Variants in ZBTB7C observed in about 807,000 individuals in gnomAD.
ZBTB7C encodes zinc finger and BTB domain-containing protein 7C.
A neutral mutation model predicts 25.7 loss-of-function variants in ZBTB7C; 8 were observed. The observed-to-expected ratio is 0.31, with a 90% CI of 0.18 to 0.56. ZBTB7C has a LOEUF of 0.56. Ranked by LOEUF, ZBTB7C falls within the 20% of genes least tolerant of loss-of-function variation. The pLI, the probability that ZBTB7C is intolerant of heterozygous loss-of-function variation, is 0.91. For missense variants in ZBTB7C, 824 were observed against 855.2 expected, an observed-to-expected ratio of 0.96 and a Z score of 0.46; for synonymous variants, 394 against 369.0, an observed-to-expected ratio of 1.07 and a Z score of -0.78.
chr18:48,245,118 A>T (rs2043646257), intron 2 of ZBTB7C, among the ~76,000 whole-genome samples: 1 of 149,374 alleles, frequency 6.7e-6, no homozygotes, highest in African/African-American at 2.5e-5. Flanking sequence ...ACACACACAC[A>T]CACACCATGG....
chr18:48,291,523 C>T (rs1007727970), intron 2 of ZBTB7C, among the ~76,000 whole-genome samples: 1 of 152,158 alleles, frequency 6.6e-6, no homozygotes, highest in African/African-American at 2.4e-5. Flanking sequence ...TCTTGAAACC[C>T]ACAGGGAGCC....
intron 2 of ZBTB7C, among the ~76,000 whole-genome samples, chr18:48,284,595 A>C (rs1367636769): frequency 1.3e-5 from 2 of 152,082 alleles, no homozygotes; most frequent in African/African-American, 2.4e-5. Flanking sequence ...GGTGCTTGAG[A>C]CCAAGCTGGC....
intron 2 of ZBTB7C, among the ~76,000 whole-genome samples, chr18:48,228,741 T>TCACACACACACACA (rs1223661928): frequency 1.5e-5 from 1 of 66,232 alleles, no homozygotes; most frequent in African/African-American, 4.4e-5. Flanking sequence ...TGTCTCTCTC[T>TCACACACACACACA]CTCTCTCACA....
chr18:48,252,638 T>C (rs6507833), intron 2 of ZBTB7C: 12,127 of 152,530 alleles, frequency 0.08, 1,242 homozygotes, highest in East Asian at 0.46. Flanking sequence ...CTAAGTGACA[T>C]GGGTCTCCCT....
In ZBTB7C at chr18:48,391,283, C is replaced by T. The variant is rs1330538442; in HGVS notation, c.-304+17943G>A. Among the ~76,000 whole-genome samples the T allele has an allele frequency of 4.6e-5, 7 of 152,314 alleles. No homozygotes were observed. The East Asian group carries it at 1.4e-3, about 29-fold the overall frequency. On this transcript the variant is annotated intron_variant, in intron 1 of 4. Coordinates refer to ENST00000590800, the MANE Select transcript of ZBTB7C (RefSeq NM_001318841.2). ...TTGGCTCTACCTAGAAGATGTCTCT[C>T]AGTCTTCTTTATTGTCCAGAACTCC...
chr18:48,220,841 C>T (rs1568311305), intron 2 of ZBTB7C, among the ~76,000 whole-genome samples: 1 of 152,120 alleles, frequency 6.6e-6, no homozygotes, highest in Non-Finnish European at 1.5e-5. Flanking sequence ...AGTCACTCTC[C>T]CTTGCACACT....
intron 3 of ZBTB7C, chr18:48,083,726 T>TAAA: frequency 1.5e-6 from 1 of 679,490 alleles, no homozygotes. Flanking sequence ...TCAGTGCCCT[T>TAAA]AAAAAAATGA....
At chr18:48,173,885 A>G (rs564174108) in intron 3 of ZBTB7C, among the ~76,000 whole-genome samples, 31 of 152,296 alleles carry the variant, frequency 2.0e-4, no homozygotes, top group African/African-American at 7.0e-4. Context: ...CAGGGCAGAC[A>G]CCACTTGTCC....
intron 2 of ZBTB7C, among the ~76,000 whole-genome samples, chr18:48,324,093 G>A (rs917699441): frequency 1.5e-4 from 23 of 152,188 alleles, no homozygotes; most frequent in African/African-American, 5.5e-4. Flanking sequence ...AAATCTGCTG[G>A]CACCTTGATC....
At chr18:48,178,214 C>A (rs1420227234) in intron 3 of ZBTB7C, among the ~76,000 whole-genome samples, 1 of 152,202 alleles carries the variant, frequency 6.6e-6, no homozygotes, top group African/African-American at 2.4e-5. Context: ...CTGACTCATG[C>A]GGACCCCTGT....
intron 2 of ZBTB7C, among the ~76,000 whole-genome samples, chr18:48,258,777 G>A (rs1365387160): frequency 6.6e-6 from 1 of 151,538 alleles, no homozygotes; most frequent in African/African-American, 2.4e-5. Flanking sequence ...CCCTGCCTCA[G>A]CCTCCTGAGT....
intron 4 of ZBTB7C, among the ~76,000 whole-genome samples, chr18:48,030,646 A>G (rs72918138): frequency 0.16 from 23,744 of 152,102 alleles, 2,115 homozygotes; most frequent in Admixed American, 0.22. Context: ...GGGCGCCTGC[A>G]CCTATTGGGG....
chr18:48,296,914 G>A (rs2045410716), intron 2 of ZBTB7C, among the ~76,000 whole-genome samples: 1 of 152,208 alleles, frequency 6.6e-6, no homozygotes, highest in East Asian at 1.9e-4. Context: ...ACCAGCGTGG[G>A]CAACATGGCC....
intron 3 of ZBTB7C, among the ~76,000 whole-genome samples, chr18:48,144,883 T>G (rs1165631335): frequency 6.6e-6 from 1 of 152,206 alleles, no homozygotes; most frequent in Non-Finnish European, 1.5e-5. Flanking sequence ...TCTCTGAGGC[T>G]GGGTTACAGT....
At chr18:48,218,174 C>CT (rs2042869974) in intron 2 of ZBTB7C, among the ~76,000 whole-genome samples, 1 of 152,176 alleles carries the variant, frequency 6.6e-6, no homozygotes, top group Middle Eastern at 3.2e-3. Flanking sequence ...CCCTTGTGGC[C>CT]TTGGGTACAT....
intron 2 of ZBTB7C, among the ~76,000 whole-genome samples, chr18:48,233,310 G>GC (rs2043301053): frequency 6.6e-6 from 1 of 152,164 alleles, no homozygotes; most frequent in African/African-American, 2.4e-5. Context: ...CCAGCACCTT[G>GC]ATATTGGACT....
chr18:48,142,424 T>C (rs1220343220), intron 3 of ZBTB7C, among the ~76,000 whole-genome samples: 1 of 152,170 alleles, frequency 6.6e-6, no homozygotes, highest in Non-Finnish European at 1.5e-5. Flanking sequence ...TGCTGGGTTG[T>C]TCTCTCTGTG....
chr18:48,185,022 A>G (rs1338563398), intron 3 of ZBTB7C, among the ~76,000 whole-genome samples: 9 of 152,188 alleles, frequency 5.9e-5, no homozygotes, highest in Non-Finnish European at 5.9e-5. Flanking sequence ...TTTTATTTAC[A>G]TAGGTGAAGA....
At chr18:48,096,248 GA>G (rs2038628392) in intron 3 of ZBTB7C, among the ~76,000 whole-genome samples, 1 of 152,208 alleles carries the variant, frequency 6.6e-6, no homozygotes, top group Non-Finnish European at 1.5e-5. Context: ...AAGAGAGTGT[GA>G]ATGCAAGCAA....
Sources: gnomAD v4.1 joint callset for allele counts (sites outside exome capture counted in the v4.1 genomes callset) on GRCh38, gnomAD v4.1.1 for gene constraint, MANE v1.5 for transcripts, NCBI Gene and HGNC (gene_info 2026-07-23, HGNC 2026-07-21) for gene names.